Variants in KDM4C observed in about 807,000 individuals in gnomAD.
KDM4C encodes the protein lysine-specific demethylase 4C.
Under a neutral mutation model 129.3 loss-of-function variants are expected in KDM4C, and 81 were observed. The observed-to-expected ratio is 0.63, with a 90% CI of 0.52 to 0.75. KDM4C has a LOEUF of 0.75. Ranked by LOEUF, KDM4C falls within the 30% of genes least tolerant of loss-of-function variation. The pLI is 0.00. For missense variants in KDM4C, 1,457 were observed against 1,304.0 expected (o/e 1.12, Z -1.81); for synonymous variants, 573 against 456.1 (o/e 1.26, Z -3.26).
chr9:6,846,642 C>T (rs909175143), intron 4 of KDM4C, among the ~76,000 whole-genome samples: 5 of 152,094 alleles, frequency 3.3e-5, no homozygotes, highest in African/African-American at 1.2e-4. Flanking sequence ...TTTTTAGCAA[C>T]CTTGCCTTGC....
At chr9:6,813,856 A>G (rs1406449935) in intron 3 of KDM4C, among the ~76,000 whole-genome samples, 4 of 152,178 alleles carry the variant, frequency 2.6e-5, no homozygotes, top group Non-Finnish European at 5.9e-5. Context: ...TGATTTATTC[A>G]CTGTGGATAG....
At chr9:7,133,702 A>G (rs1366371029) in intron 19 of KDM4C, among the ~76,000 whole-genome samples, 1 of 152,198 alleles carries the variant, frequency 6.6e-6, no homozygotes, top group Non-Finnish European at 1.5e-5. Flanking sequence ...GAAAACACAG[A>G]TCCAGTAGGA....
intron 10 of KDM4C, 79 bp from the exon 11 acceptor site, chr9:6,986,265 C>G (rs1817680383): frequency 4.3e-6 from 4 of 938,782 alleles, no homozygotes; most frequent in Non-Finnish European, 6.4e-6. Context: ...GATACAGAAT[C>G]ATTTGGGAAT....
intron 17 of KDM4C, among the ~76,000 whole-genome samples, chr9:7,067,517 C>G (rs897668252): frequency 6.6e-6 from 1 of 152,184 alleles, no homozygotes; most frequent in Admixed American, 6.5e-5. Context: ...CTGAGACATA[C>G]AAGGTGCAGG....
At position 6,984,637 on chromosome 9, in the gene KDM4C, G is replaced by A. The variant is rs564415212; in HGVS notation, c.1354+233G>A. ...ACAAGCAGTCAGCAGTGCCTATTTG[G>A]TTTAATAAAAAAGAAGATTCTAAAA... On this transcript the variant is annotated intron_variant, in intron 10 of 21. Coordinates refer to ENST00000381309, the MANE Select transcript of KDM4C (RefSeq NM_015061.6). Among the ~76,000 whole-genome samples the A allele has an allele frequency of 2.0e-5, 3 of 151,062 alleles. No homozygotes were observed. In the South Asian group the frequency reaches 6.3e-4, roughly 32 times the overall value.
intron 1 of KDM4C, among the ~76,000 whole-genome samples, chr9:6,741,293 G>A (rs10975816): frequency 6.6e-6 from 1 of 152,024 alleles, no homozygotes; most frequent in Non-Finnish European, 1.5e-5. Context: ...TACTCAGGAG[G>A]CTGAGGCAGC....
chr9:6,794,094 A>G (rs1827273342), intron 2 of KDM4C, among the ~76,000 whole-genome samples: 1 of 151,964 alleles, frequency 6.6e-6, no homozygotes, highest in Non-Finnish European at 1.5e-5. Context: ...CTCTCTCTAC[A>G]TTTGCCTATT....
chr9:7,142,453 CT>C (rs952089040), intron 19 of KDM4C, among the ~76,000 whole-genome samples: 20 of 152,302 alleles, frequency 1.3e-4, no homozygotes, highest in African/African-American at 4.6e-4. Flanking sequence ...CTCCCCTCCC[CT>C]GGGCTCCCTC....
chr9:6,990,391 TCCA>T lies in KDM4C; in HGVS notation c.1678-21_1678-19del, dbSNP rs758172648. 6 of 1,398,648 alleles carry T rather than the reference TCCA, an allele frequency of 4.3e-6. No homozygotes were observed. In the Admixed American group the frequency reaches 1.0e-4, roughly 24 times the overall value. The allele number at this position is 1,398,648 out of a possible 1,614,324, so 86.6% of individuals were successfully genotyped here. ...AGTTTGTTTTTGATAATGGTATTTC[TCCA>T]CCATTTTTGTTCTATAACTAGATAG... is the stretch of plus-strand genomic sequence containing the variant. On this transcript the variant is annotated intron_variant, in intron 11 of 21. Coordinates refer to ENST00000381309, the MANE Select transcript of KDM4C (RefSeq NM_015061.6).
chr9:7,068,554 G>T (rs1411131913), intron 17 of KDM4C, among the ~76,000 whole-genome samples: 2 of 152,126 alleles, frequency 1.3e-5, no homozygotes, highest in Non-Finnish European at 2.9e-5. Context: ...GAACGTGCCA[G>T]CTGCCTTGAA....
chr9:7,083,711 ATGTGTGTGTGTGTGTG>A (rs142609948), intron 17 of KDM4C, among the ~76,000 whole-genome samples: 1 of 143,224 alleles, frequency 7.0e-6, no homozygotes, highest in Non-Finnish European at 1.5e-5. Flanking sequence ...CACATGACTG[ATGTGTGTGTGTGTGTG>A]TGTGTGTGTG....
chr9:7,122,265 A>ACACACACTCTCTCTCTCTCTCT (rs375655422), intron 18 of KDM4C, among the ~76,000 whole-genome samples: 2 of 144,714 alleles, frequency 1.4e-5, no homozygotes, highest in African/African-American at 5.2e-5. Flanking sequence ...ACACACACAC[A>ACACACACTCTCTCTCTCTCTCT]CTCTCTCTCT....
intron 5 of KDM4C, among the ~76,000 whole-genome samples, chr9:6,863,990 A>AC (rs1227884373): frequency 1.3e-5 from 2 of 152,154 alleles, no homozygotes; most frequent in South Asian, 4.1e-4. Context: ...TCAGCTTTCA[A>AC]CGTGAGGTTT....
At chr9:6,850,130 A>T (rs960952594) in intron 5 of KDM4C, among the ~76,000 whole-genome samples, 1 of 152,242 alleles carries the variant, frequency 6.6e-6, no homozygotes, top group Non-Finnish European at 1.5e-5. Context: ...GGTCTGTAGT[A>T]GATCCACTAT....
chr9:6,831,699 G>A (rs1834863063), intron 4 of KDM4C, among the ~76,000 whole-genome samples: 1 of 152,080 alleles, frequency 6.6e-6, no homozygotes, highest in African/African-American at 2.4e-5. Flanking sequence ...TAATAATCAT[G>A]TCTGAATGTC....
intron 2 of KDM4C, among the ~76,000 whole-genome samples, chr9:6,793,735 G>T (rs1028969680): frequency 2.6e-5 from 4 of 151,810 alleles, no homozygotes; most frequent in Non-Finnish European, 5.9e-5. Context: ...TTGAGACGGG[G>T]TTTCACCATG....
At chr9:7,129,159 G>A (rs1840347833) in intron 19 of KDM4C, among the ~76,000 whole-genome samples, 1 of 152,096 alleles carries the variant, frequency 6.6e-6, no homozygotes, top group Non-Finnish European at 1.5e-5. Context: ...TTTGTATTTG[G>A]AAAGATATTT....
At chr9:6,921,177 G>A (rs961936825) in intron 8 of KDM4C, among the ~76,000 whole-genome samples, 7 of 151,804 alleles carry the variant, frequency 4.6e-5, no homozygotes, top group Non-Finnish European at 7.4e-5. Context: ...TTGTCTACAC[G>A]AATTACCTTA....
intron 15 of KDM4C, among the ~76,000 whole-genome samples, chr9:7,017,285 C>G (rs1222872742): frequency 6.6e-6 from 1 of 152,128 alleles, no homozygotes; most frequent in African/African-American, 2.4e-5. Flanking sequence ...ACTTACTCAT[C>G]CTTACATTTA....
Sources: allele counts gnomAD v4.1 joint callset (sites outside exome capture counted in the v4.1 genomes callset), GRCh38; gene constraint gnomAD v4.1.1; transcripts MANE v1.5; gene names NCBI Gene and HGNC (gene_info 2026-07-23, HGNC 2026-07-21).